NUBPL: variants seen among roughly 807,000 people sequenced by gnomAD.
NUBPL encodes the protein NUBP iron-sulfur cluster assembly factor, mitochondrial.
In NUBPL, 31 loss-of-function variants were observed where a neutral mutation model predicts 45.7. The ratio of observed to expected loss-of-function variants is 0.68; its 90% confidence interval spans 0.51 to 0.92. NUBPL has a LOEUF of 0.92. NUBPL is among the 40% of genes least tolerant of loss of function. The pLI, the probability that NUBPL is intolerant of heterozygous loss-of-function variation, is 0.00. For synonymous variants in NUBPL, 144 were observed against 140.9 expected (o/e 1.02, Z -0.15); for missense variants, 401 against 398.7 (o/e 1.01, Z -0.05).
chr14:31,742,241 C>CGT (rs1367742032), intron 6 of NUBPL, among the ~76,000 whole-genome samples: 3 of 111,160 alleles, frequency 2.7e-5, no homozygotes, highest in Admixed American at 1.8e-4. Flanking sequence ...ATTGTGTACA[C>CGT]ACACACACAC....
chr14:31,722,311 T>C (rs1449373637), intron 6 of NUBPL, among the ~76,000 whole-genome samples: 1 of 152,142 alleles, frequency 6.6e-6, no homozygotes, highest in Non-Finnish European at 1.5e-5. Context: ...CGCCCGGCCA[T>C]GTACCACATT....
chr14:31,831,513 C>T (rs879298534), intron 8 of NUBPL, among the ~76,000 whole-genome samples: 4 of 151,596 alleles, frequency 2.6e-5, no homozygotes, highest in African/African-American at 9.7e-5. Flanking sequence ...CATACCATAC[C>T]ATACTATACT....
chr14:31,769,360 C>T (rs1042901309), intron 6 of NUBPL, among the ~76,000 whole-genome samples: 1 of 152,130 alleles, frequency 6.6e-6, no homozygotes, highest in Admixed American at 6.6e-5. Context: ...TGAATCCCCT[C>T]CTAGCTCCTT....
At chr14:31,666,263 A>ATTTTTTTTTT in intron 4 of NUBPL, among the ~76,000 whole-genome samples, 1 of 111,888 alleles carries the variant, frequency 8.9e-6, no homozygotes, top group African/African-American at 3.1e-5. Context: ...ATATATATAT[A>ATTTTTTTTTT]ATTTTATTTT....
Position 31,658,280 on chromosome 14 carries a change from C to T in NUBPL, c.383-15075C>T, listed in dbSNP as rs538991040. On this transcript the variant is annotated intron_variant, in intron 4 of 10. Coordinates refer to ENST00000281081, the MANE Select transcript of NUBPL (RefSeq NM_025152.3). The stretch of plus-strand genomic sequence containing the variant: ...ATATGGCACTTAATGAAGAAACAGG[C>T]CTTAACTGAAATACTTAATGTTTCT... 3.3e-5 allele frequency among the ~76,000 whole-genome samples: 5 copies of T among 152,292 alleles called. No homozygotes were observed. In the South Asian group the frequency reaches 6.2e-4, roughly 19 times the overall value.
intron 6 of NUBPL, among the ~76,000 whole-genome samples, chr14:31,748,194 G>A (rs2038442796): frequency 6.6e-6 from 1 of 152,142 alleles, no homozygotes; most frequent in Non-Finnish European, 1.5e-5. Flanking sequence ...TTAAAAATTT[G>A]TTGAGATTTG....
intron 6 of NUBPL, among the ~76,000 whole-genome samples, chr14:31,719,862 T>C (rs1039575746): frequency 2.6e-5 from 4 of 152,176 alleles, no homozygotes; most frequent in Non-Finnish European, 5.9e-5. Flanking sequence ...TGCTGCTTTT[T>C]AGCCAACTTA....
intron 8 of NUBPL, among the ~76,000 whole-genome samples, chr14:31,830,507 G>C (rs562813906): frequency 1.3e-5 from 2 of 152,206 alleles, no homozygotes; most frequent in Admixed American, 6.5e-5. Flanking sequence ...ATAAGCCATG[G>C]CCAATTTAGG....
chr14:31,575,354 T>C (rs1190948318), intron 3 of NUBPL, among the ~76,000 whole-genome samples: 1 of 152,224 alleles, frequency 6.6e-6, no homozygotes, highest in Non-Finnish European at 1.5e-5. Context: ...TCCAGCATTT[T>C]TGTGTGAGAT....
rs200396439 is a variant in NUBPL, at chr14:31,676,454, TG to T, written c.513+2881del. 4.3e-3 allele frequency among the ~76,000 whole-genome samples: 647 copies of T among 152,174 alleles called. 5 individuals are homozygous for T. Among genetic ancestry groups the T allele is most frequent in the Middle Eastern group, 0.014 (4 of 292 alleles). On this transcript the variant is annotated intron_variant, in intron 6 of 10. Transcript: ENST00000281081. ...ATTCCATTGTATGAATATAATAAAA[TG>T]TTTTTTTTTTCTGTTGATGAATATT...
At chr14:31,741,630 T>C (rs11624768) in intron 6 of NUBPL, among the ~76,000 whole-genome samples, 10,041 of 152,190 alleles carry the variant, frequency 0.066, 421 homozygotes, top group Non-Finnish European at 0.091. Flanking sequence ...CACAACAGTG[T>C]GGGGACCCCC....
At chr14:31,720,831 C>T (rs1310243664) in intron 6 of NUBPL, among the ~76,000 whole-genome samples, 2 of 152,150 alleles carry the variant, frequency 1.3e-5, no homozygotes, top group Non-Finnish European at 2.9e-5. Flanking sequence ...AAATTTTTAT[C>T]ACTGCAGAAA....
At chr14:31,775,247 G>A (rs1057186320) in intron 6 of NUBPL, among the ~76,000 whole-genome samples, 1 of 152,026 alleles carries the variant, frequency 6.6e-6, no homozygotes, top group African/African-American at 2.4e-5. Flanking sequence ...GTGAAACCCT[G>A]TCTCTACTAA....
At chr14:31,831,138 G>C (rs1364990509) in intron 8 of NUBPL, among the ~76,000 whole-genome samples, 6 of 151,948 alleles carry the variant, frequency 3.9e-5, no homozygotes, top group African/African-American at 1.4e-4. Context: ...CTGCCTCCTG[G>C]GTTCAAGCAA....
At chr14:31,587,447 C>T (rs1435890875) in intron 3 of NUBPL, among the ~76,000 whole-genome samples, 4 of 152,156 alleles carry the variant, frequency 2.6e-5, no homozygotes, top group East Asian at 3.8e-4. Context: ...ACGCCTGGCA[C>T]GTAGTGAGCA....
intron 4 of NUBPL, among the ~76,000 whole-genome samples, chr14:31,666,263 A>ATATATATTTATT: frequency 0.013 from 1,397 of 111,606 alleles, 186 homozygotes; most frequent in Non-Finnish European, 0.018. Flanking sequence ...ATATATATAT[A>ATATATATTTATT]ATTTTATTTT....
At chr14:31,597,081 C>G (rs2034303471) in intron 3 of NUBPL, among the ~76,000 whole-genome samples, 1 of 152,096 alleles carries the variant, frequency 6.6e-6, no homozygotes. Context: ...TCCTTAATCC[C>G]TTTGCTCCTC....
At chr14:31,584,961 C>T (rs1453525630) in intron 3 of NUBPL, among the ~76,000 whole-genome samples, 3 of 152,150 alleles carry the variant, frequency 2.0e-5, no homozygotes, top group African/African-American at 7.2e-5. Flanking sequence ...CCCTCATGGC[C>T]TGATTATCTC....
Position 31,714,492 on chromosome 14 carries a change from T to C in NUBPL, c.513+40918T>C, listed in dbSNP as rs12050415. Reference sequence around the variant, plus strand: ...GGCCTCAGGAAGCTTACAATCGTGGTGGAAGGCAAAGGTGGGGAGCAGGCG... The same window carrying C: ...GGCCTCAGGAAGCTTACAATCGTGGCGGAAGGCAAAGGTGGGGAGCAGGCG... On this transcript the variant is annotated intron_variant, in intron 6 of 10. Transcript: ENST00000281081. 120,157 of 161,778 alleles carry C rather than the reference T, an allele frequency of 0.74. 51,354 individuals carry two copies. The highest frequency in any genetic ancestry group is 0.99 in the East Asian group (5,504 of 5,548). 10.0% of individuals were successfully genotyped at this position (161,778 alleles called of 1,614,324 possible).
Sources: gnomAD v4.1 joint callset for allele counts (sites outside exome capture counted in the v4.1 genomes callset) on GRCh38, gnomAD v4.1.1 for gene constraint, MANE v1.5 for transcripts, NCBI Gene and HGNC (gene_info 2026-07-23, HGNC 2026-07-21) for gene names.